The following SLC4A10 variants were observed in gnomAD, a reference collection of about 807,000 sequenced individuals.
The protein encoded by SLC4A10 is sodium-driven chloride bicarbonate exchanger.
SLC4A10 carries 42 observed loss-of-function variants against 137.7 expected under a neutral mutation model. The observed-to-expected ratio is 0.30, with a 90% confidence interval of 0.24 to 0.39. SLC4A10 has a LOEUF of 0.39. Ranked by LOEUF, SLC4A10 falls within the 10% of genes least tolerant of loss-of-function variation. The pLI, the probability that SLC4A10 is intolerant of heterozygous loss-of-function variation, is 1.00. For synonymous variants in SLC4A10, 474 were observed against 464.1 expected, an observed-to-expected ratio of 1.02 and a Z score of -0.27; for missense variants, 925 against 1,355.0, an observed-to-expected ratio of 0.68 and a Z score of 4.98.
At chr2:161,920,174 T>G (rs903294700) in intron 15 of SLC4A10, among the ~76,000 whole-genome samples, 2 of 152,178 alleles carry the variant, frequency 1.3e-5, no homozygotes, top group Admixed American at 1.3e-4. Flanking sequence ...GAGCACAACC[T>G]GCCAGGCCTA....
At position 161,879,209 on chromosome 2, in the gene SLC4A10, G is replaced by A; in HGVS notation, c.1027G>A (p.Asp343Asn). ...NILVGELEFL[D>N]RTVVAFVRLS... ...CTTAGTGGGAGAACTGGAGTTCTTG[G>A]ATCGAACAGTAGTTGCGTTTGTCAG... is the stretch of plus-strand genomic sequence containing the variant. The change falls in exon 9 of 27, where the codon GAT becomes AAT. Residue 343 changes from aspartate to asparagine, a missense_variant. By Grantham distance (23) the Asp-to-Asn change is conservative. Around this residue, in one of 11 missense-constraint regions of SLC4A10, gnomAD observed 277 missense variants for 306.1 expected, o/e 0.90. Coordinates refer to ENST00000446997, the MANE Select transcript of SLC4A10 (RefSeq NM_001178015.2). The A allele has an allele frequency of 6.2e-7, 1 of 1,613,476 alleles. No individual in the cohort carries two copies. The highest frequency in any genetic ancestry group is 1.1e-5 in the South Asian group (1 of 91,056).
chr2:161,918,888 G>A (rs1378770859), intron 15 of SLC4A10, among the ~76,000 whole-genome samples: 1 of 152,198 alleles, frequency 6.6e-6, no homozygotes, highest in African/African-American at 2.4e-5. Flanking sequence ...CGCCTTCTGA[G>A]TTGGTGGGGT....
chr2:161,636,583 A>G (rs914555171), intron 1 of SLC4A10, among the ~76,000 whole-genome samples: 8 of 151,994 alleles, frequency 5.3e-5, no homozygotes, highest in African/African-American at 1.5e-4. Context: ...TATTTTGAGT[A>G]GAGATGGGAT....
chr2:161,710,846 T>C (rs2044211455), intron 1 of SLC4A10: 14 of 297,548 alleles, frequency 4.7e-5, no homozygotes, highest in South Asian at 4.2e-4. Flanking sequence ...TTTGGTGTTA[T>C]GAGGAATGCA....
At chr2:161,944,600 T>C (rs1426806898) in intron 16 of SLC4A10, among the ~76,000 whole-genome samples, 8 of 145,630 alleles carry the variant, frequency 5.5e-5, no homozygotes, top group East Asian at 1.9e-4. Context: ...TTTTTTCTCT[T>C]TTTTTTTGTC....
At chr2:161,749,804 C>G (rs960730017) in intron 1 of SLC4A10, among the ~76,000 whole-genome samples, 9 of 151,712 alleles carry the variant, frequency 5.9e-5, no homozygotes, top group Non-Finnish European at 1.3e-4. Flanking sequence ...AATGTTCACT[C>G]TATTTCTACT....
rs111893701 is a variant in SLC4A10, at chr2:161,661,344, G to A, written c.48+36778G>A. Among the ~76,000 whole-genome samples, 1,080 of 152,232 alleles carry A rather than the reference G, an allele frequency of 7.1e-3. 12 individuals are homozygous for A. The highest frequency in any genetic ancestry group is 0.025 in the African/African-American group (1,028 of 41,558). On this transcript the variant is annotated intron_variant, in intron 1 of 26. Coordinates refer to ENST00000446997, the MANE Select transcript of SLC4A10 (RefSeq NM_001178015.2). ...ACAAAAATGAGCTGGGCGTGGTGGCGCACGCCTGTAGTCCCAGCTACTCTG... is the reference window on the plus strand; with the variant it reads ...ACAAAAATGAGCTGGGCGTGGTGGCACACGCCTGTAGTCCCAGCTACTCTG...
At chr2:161,954,687 A>G (rs1460146292) in intron 19 of SLC4A10, among the ~76,000 whole-genome samples, 1 of 152,196 alleles carries the variant, frequency 6.6e-6, no homozygotes, top group East Asian at 1.9e-4. Context: ...TTAAATCAAG[A>G]TGCTGCCATT....
intron 1 of SLC4A10, among the ~76,000 whole-genome samples, chr2:161,624,777 C>G (rs893909929): frequency 2.0e-5 from 3 of 151,672 alleles, no homozygotes; most frequent in African/African-American, 7.3e-5. Context: ...AATATGGATG[C>G]ACTACGGTGA....
At chr2:161,713,749 A>C (rs2044545104) in intron 1 of SLC4A10, among the ~76,000 whole-genome samples, 1 of 151,878 alleles carries the variant, frequency 6.6e-6, no homozygotes, top group Non-Finnish European at 1.5e-5. Context: ...TGAATATTTT[A>C]CCTTTGTTCT....
At chr2:161,705,568 G>A (rs139994305) in intron 1 of SLC4A10, among the ~76,000 whole-genome samples, 500 of 151,704 alleles carry the variant, frequency 3.3e-3, no homozygotes, top group African/African-American at 0.011. Context: ...AAGTTCATAT[G>A]TTGAAAATGT....
At chr2:161,647,339 G>A (rs73971346) in intron 1 of SLC4A10, among the ~76,000 whole-genome samples, 4,398 of 152,082 alleles carry the variant, frequency 0.029, 231 homozygotes, top group African/African-American at 0.1. Flanking sequence ...GTCCAAATTA[G>A]AAGAGATTAA....
chr2:161,650,097 G>A (rs2036577054), intron 1 of SLC4A10, among the ~76,000 whole-genome samples: 1 of 152,124 alleles, frequency 6.6e-6, no homozygotes, highest in African/African-American at 2.4e-5. Context: ...TTCTCATCAA[G>A]AATACAACAT....
At chr2:161,727,337 G>C (rs2046337111) in intron 1 of SLC4A10, among the ~76,000 whole-genome samples, 2 of 152,282 alleles carry the variant, frequency 1.3e-5, no homozygotes, top group South Asian at 4.1e-4. Flanking sequence ...ATACTTTACA[G>C]TGTGCTCAAA....
At chr2:161,862,199 G>A (rs1190467454) in intron 5 of SLC4A10, among the ~76,000 whole-genome samples, 1 of 152,082 alleles carries the variant, frequency 6.6e-6, no homozygotes, top group Non-Finnish European at 1.5e-5. Flanking sequence ...TTGTTTTGCA[G>A]GTATAGAATA....
intron 15 of SLC4A10, among the ~76,000 whole-genome samples, chr2:161,933,903 T>G (rs574193558): frequency 1.3e-5 from 2 of 152,320 alleles, no homozygotes; most frequent in East Asian, 3.9e-4. Flanking sequence ...AACTCCGTAC[T>G]GTTTTCCATA....
intron 2 of SLC4A10, among the ~76,000 whole-genome samples, chr2:161,782,116 T>C (rs2053099509): frequency 6.6e-6 from 1 of 152,018 alleles, no homozygotes; most frequent in Non-Finnish European, 1.5e-5. Context: ...GCTCAGAGCA[T>C]AGAGCAAGCA....
At chr2:161,636,237 G>A (rs938924690) in intron 1 of SLC4A10, among the ~76,000 whole-genome samples, 2 of 152,070 alleles carry the variant, frequency 1.3e-5, no homozygotes, top group Admixed American at 6.6e-5. Context: ...GTGAGATCAT[G>A]CAGTATTTGT....
intron 23 of SLC4A10, among the ~76,000 whole-genome samples, chr2:161,971,736 G>A (rs1184670399): frequency 1.3e-5 from 2 of 152,152 alleles, no homozygotes; most frequent in South Asian, 4.1e-4. Context: ...CCCGCGCTCC[G>A]GGGCCCACCC....
Sources: allele counts gnomAD v4.1 joint callset (sites outside exome capture counted in the v4.1 genomes callset), GRCh38; gene constraint gnomAD v4.1.1; regional missense constraint gnomAD v4.1.1; transcripts MANE v1.5; gene names NCBI Gene and HGNC (gene_info 2026-07-23, HGNC 2026-07-21).